RUNX1: variants seen among roughly 807,000 people sequenced by gnomAD.
RUNX1 encodes the protein RUNX family transcription factor 1, also known as runt-related transcription factor 1.
Under a neutral mutation model 42.8 loss-of-function variants are expected in RUNX1, and 19 were observed. That is an observed-to-expected ratio of 0.44 (90% CI 0.31 to 0.65). The LOEUF (loss-of-function observed/expected upper bound fraction) is 0.65, where lower values mean the gene tolerates loss of function less well. RUNX1 is among the 30% of genes least tolerant of loss of function. RUNX1 has a pLI of 0.07. For missense variants in RUNX1, 528 were observed against 672.0 expected (o/e 0.79, Z 2.37); for synonymous variants, 271 against 289.4 (o/e 0.94, Z 0.64).
At chr21:34,919,284 G>A (rs1010139528) in intron 2 of RUNX1, among the ~76,000 whole-genome samples, 4 of 152,186 alleles carry the variant, frequency 2.6e-5, no homozygotes, top group Non-Finnish European at 5.9e-5. Context: ...TTTGAAAAGT[G>A]ATGACCATGG....
At chr21:34,859,438 C>T (rs955305503) in intron 6 of RUNX1, 36 bp downstream of exon 6, 25 of 1,425,830 alleles carry the variant, frequency 1.8e-5, no homozygotes, top group East Asian at 2.3e-5. Flanking sequence ...GTGTACCAGC[C>T]TGGAGGGTGT....
chr21:34,810,925 G>A (rs2056749743), intron 7 of RUNX1, among the ~76,000 whole-genome samples: 1 of 152,136 alleles, frequency 6.6e-6, no homozygotes, highest in Non-Finnish European at 1.5e-5. Context: ...GAGTTCCAAG[G>A]TGCACTATTC....
At chr21:34,958,865 C>T (rs2058663873) in intron 2 of RUNX1, among the ~76,000 whole-genome samples, 1 of 152,132 alleles carries the variant, frequency 6.6e-6, no homozygotes, top group East Asian at 1.9e-4. Context: ...GAATACTATG[C>T]AGCCATAAAA....
intron 2 of RUNX1, among the ~76,000 whole-genome samples, chr21:35,044,069 C>T (rs1283139389): frequency 6.6e-6 from 1 of 152,206 alleles, no homozygotes; most frequent in Non-Finnish European, 1.5e-5. Context: ...AAAATCAAAA[C>T]TTGTTAAGTT....
At position 34,901,675 on chromosome 21, in the gene RUNX1, C is replaced by T. The variant is rs891739140; in HGVS notation, c.59-8712G>A. The stretch of plus-strand genomic sequence containing the variant: ...CCCTTCTCCACATGCTCTTTGGTTC[C>T]GTCAGCTACAGACAGAGGTTATGTT... On this transcript the variant is annotated intron_variant, in intron 2 of 8. Transcript: ENST00000675419. This position sits in a 1 kb window ranked among gnomAD's most constrained non-coding sequence, Gnocchi z 4.3. Among the ~76,000 whole-genome samples the T allele has an allele frequency of 6.6e-6, 1 of 152,140 alleles. No homozygotes were observed. Among genetic ancestry groups the T allele is most frequent in the Non-Finnish European group, 1.5e-5 (1 of 68,028 alleles).
chr21:34,863,239 A>T (rs180894377), intron 5 of RUNX1, among the ~76,000 whole-genome samples: 177 of 152,300 alleles, frequency 1.2e-3, no homozygotes, highest in African/African-American at 3.8e-3. Flanking sequence ...TGAGGTCATA[A>T]ATCTCCACCC....
intron 7 of RUNX1, among the ~76,000 whole-genome samples, chr21:34,812,812 T>C (rs912855095): frequency 5.9e-5 from 9 of 152,150 alleles, no homozygotes; most frequent in African/African-American, 2.2e-4. Flanking sequence ...GGCTTTCTCA[T>C]AGAAGCCATA....
At chr21:35,008,975 G>T (rs1258165808) in intron 2 of RUNX1, among the ~76,000 whole-genome samples, 1 of 152,216 alleles carries the variant, frequency 6.6e-6, no homozygotes, top group Non-Finnish European at 1.5e-5. Context: ...GACTGTAATG[G>T]AGAGGTTGAT....
chr21:34,891,115 G>A (rs1327263968), intron 3 of RUNX1, among the ~76,000 whole-genome samples: 3 of 152,174 alleles, frequency 2.0e-5, no homozygotes, highest in Non-Finnish European at 4.4e-5. Context: ...ACCCCGCGAC[G>A]GGGGCTGCGA....
rs544247912 is a variant in RUNX1, at chr21:34,792,309, G to C, written c.1269C>G (p.Arg423=). The C allele has an allele frequency of 9.7e-6, 15 of 1,542,484 alleles. No homozygotes were observed. The highest frequency in any genetic ancestry group is 4.1e-5 in the African/African-American group (3 of 72,866). ...AGGGCGGCAGGATGCGCGGCGGCGA[G>C]CGCTCGCCGCCCACCATGGAGAACT... ...SYQFSMVGGE[R]SPPRILPPCT... Residue 423 remains arginine (R), a synonymous_variant, in exon 9 of 9, where the codon CGC becomes CGG. Transcript: ENST00000675419. This position sits in a 1 kb window ranked among gnomAD's most constrained non-coding sequence, Gnocchi z 6.9.
chr21:34,958,216 C>A (rs569241937), intron 2 of RUNX1, among the ~76,000 whole-genome samples: 2 of 152,248 alleles, frequency 1.3e-5, no homozygotes, highest in African/African-American at 4.8e-5. Flanking sequence ...ACACTGCCAG[C>A]GCCCAGCTGT....
At chr21:34,906,950 C>T (rs1434433247) in intron 2 of RUNX1, among the ~76,000 whole-genome samples, 1 of 152,190 alleles carries the variant, frequency 6.6e-6, no homozygotes, top group African/African-American at 2.4e-5. Flanking sequence ...CATTAAAGCT[C>T]TTTATTTAGA....
chr21:34,890,544 C>T (rs2058069283), intron 3 of RUNX1, among the ~76,000 whole-genome samples: 1 of 152,076 alleles, frequency 6.6e-6, no homozygotes, highest in Admixed American at 6.5e-5. Context: ...CTTCAGGAGC[C>T]CGGGCTTCCG....
At chr21:34,821,069 G>T (rs2056900898) in intron 7 of RUNX1, among the ~76,000 whole-genome samples, 1 of 152,180 alleles carries the variant, frequency 6.6e-6, no homozygotes, top group South Asian at 2.1e-4. Context: ...TTATGGGAAG[G>T]TCTCCTGTTT....
At chr21:35,025,838 T>A (rs964314430) in intron 2 of RUNX1, among the ~76,000 whole-genome samples, 5 of 152,052 alleles carry the variant, frequency 3.3e-5, no homozygotes, top group African/African-American at 1.2e-4. Context: ...AAAGGGAAAC[T>A]CATATGGTTC....
At chr21:35,021,791 C>T (rs1474306906) in intron 2 of RUNX1, among the ~76,000 whole-genome samples, 1 of 152,162 alleles carries the variant, frequency 6.6e-6, no homozygotes, top group Admixed American at 6.5e-5. Context: ...CAGGCCTCAT[C>T]CAGGGAGACA....
chr21:35,041,612 TAAC>T (rs2059359530), intron 2 of RUNX1, among the ~76,000 whole-genome samples: 1 of 151,494 alleles, frequency 6.6e-6, no homozygotes, highest in Non-Finnish European at 1.5e-5. Context: ...AAAAACTGAA[TAAC>T]AACTTTCTTT....
At chr21:34,878,436 C>T (rs988430118) in intron 5 of RUNX1, among the ~76,000 whole-genome samples, 6 of 150,540 alleles carry the variant, frequency 4.0e-5, no homozygotes, top group African/African-American at 1.5e-4. Flanking sequence ...ACAGTAATTA[C>T]AATTGGGTCA....
intron 2 of RUNX1, among the ~76,000 whole-genome samples, chr21:34,976,504 T>C (rs1258103843): frequency 2.6e-5 from 4 of 152,240 alleles, no homozygotes; most frequent in Admixed American, 1.3e-4. Context: ...TTCATCCCCC[T>C]GGGTGCAATA....
Sources: gnomAD v4.1 joint callset for allele counts (sites outside exome capture counted in the v4.1 genomes callset) on GRCh38, gnomAD v4.1.1 for gene constraint, Gnocchi (gnomAD v3.1) non-coding constraint, MANE v1.5 for transcripts, NCBI Gene and HGNC (gene_info 2026-07-23, HGNC 2026-07-21) for gene names.